Variants in NBPF11 observed in about 807,000 individuals in gnomAD.
The protein encoded by NBPF11 is NBPF family member NBPF11.
Under a neutral mutation model 93.9 loss-of-function variants are expected in NBPF11, and 72 were observed. The observed-to-expected ratio is 0.77, with a 90% CI of 0.63 to 0.93. NBPF11 has a LOEUF of 0.93. Ranked by LOEUF, NBPF11 falls within the 40% of genes least tolerant of loss-of-function variation. NBPF11 has a pLI of 0.00. For missense variants in NBPF11, 705 were observed against 802.2 expected (o/e 0.88, Z 1.46); for synonymous variants, 224 against 304.9 (o/e 0.73, Z 2.76).
chr1:148,146,654 A>C, intron 1 of NBPF11: 3 of 1,611,560 alleles, frequency 1.9e-6, no homozygotes, highest in Non-Finnish European at 2.5e-6. Context: ...GACACCATCG[A>C]GGTCTTCCCC....
intron 4 of NBPF11, among the ~76,000 whole-genome samples, chr1:148,132,356 T>G (rs1571475580): frequency 3.5e-5 from 1 of 28,954 alleles, no homozygotes; most frequent in East Asian, 2.1e-3. Flanking sequence ...ATATATTCTA[T>G]TTTTTTTTTT....
chr1:148,122,662 A>T (rs1668142903), intron 8 of NBPF11, 67 bp downstream of exon 8: 5 of 1,593,510 alleles, frequency 3.1e-6, no homozygotes, highest in Admixed American at 1.7e-5. Flanking sequence ...GATGCCAGAG[A>T]GGGCGTGCCT....
At chr1:148,145,227 T>A in intron 1 of NBPF11, among the ~76,000 whole-genome samples, 2 of 121,434 alleles carry the variant, frequency 1.6e-5, no homozygotes, top group East Asian at 2.9e-4. Context: ...TTTTTTTTGG[T>A]ACAAGACAGA....
intron 1 of NBPF11, chr1:148,146,615 C>G: frequency 6.2e-7 from 1 of 1,610,746 alleles, no homozygotes; most frequent in Non-Finnish European, 8.5e-7. Flanking sequence ...ACGGAGCGTG[C>G]CGACTTCCAG....
Position 148,116,001 on chromosome 1 carries a change from G to T in NBPF11, c.1380-3C>A. 6.8e-7 allele frequency: 1 copy of T among 1,478,598 alleles called. No homozygotes were observed. The highest frequency in any genetic ancestry group is 9.4e-7 in the Non-Finnish European group (1 of 1,068,104). The allele number at this position is 1,478,598 out of a possible 1,614,324, so 91.6% of individuals were successfully genotyped here. ...TTTCTTCAGCCTTCTGCATCTCCCT[G>T]ATGAGCCAGGTGGGACAGAGATGAC... On this transcript the variant is annotated splice_polypyrimidine_tract_variant and splice_region_variant and intron_variant, in intron 13 of 23. Coordinates refer to ENST00000682118, the MANE Select transcript of NBPF11 (RefSeq NM_001385469.3).
chr1:148,126,312 C>G (rs1669101684), intron 5 of NBPF11, among the ~76,000 whole-genome samples: 1 of 151,850 alleles, frequency 6.6e-6, no homozygotes, highest in Admixed American at 6.6e-5. Context: ...ACTCCCTGCT[C>G]TTGATGCTGT....
At chr1:148,128,121 G>T (rs1302626617) in intron 4 of NBPF11, among the ~76,000 whole-genome samples, 1 of 143,868 alleles carries the variant, frequency 7.0e-6, no homozygotes, top group Non-Finnish European at 1.5e-5. Flanking sequence ...TAACTACTGT[G>T]CATAAGTAAC....
Position 148,120,663 on chromosome 1 carries a change from C to A in NBPF11, c.826G>T (p.Ala276Ser). 6.5e-7 allele frequency: 1 copy of A among 1,536,772 alleles called. No individual in the cohort carries two copies. Among genetic ancestry groups the A allele is most frequent in the Non-Finnish European group, 9.0e-7 (1 of 1,111,608 alleles). ...GCCTTCTCGCTGGACAAAGGGCCGG[C>A]TGATACCACCATGCTGACGTTTGTG... The part of the protein sequence containing the change: ...SATNVSMVVS[A>S]GPLSSEKAEM... Residue 276 changes from alanine to serine, a missense_variant, in exon 10 of 24, where the codon GCC becomes TCC. This residue lies in a region of NBPF11 where 262 missense variants were observed against 223.1 expected (regional missense o/e 1.17). Transcript: ENST00000682118.
At chr1:148,126,600 T>C (rs1431938042) in intron 5 of NBPF11, among the ~76,000 whole-genome samples, 3 of 151,854 alleles carry the variant, frequency 2.0e-5, no homozygotes, top group Non-Finnish European at 4.4e-5. Context: ...TCTGTGCCTG[T>C]GTTAGAAATC....
At chr1:148,123,047 C>T (rs200661611) in intron 7 of NBPF11, among the ~76,000 whole-genome samples, 20,351 of 151,406 alleles carry the variant, frequency 0.13, 1,182 homozygotes, top group East Asian at 0.26. Flanking sequence ...TCCCATATCA[C>T]TGGAGGCTTG....
At chr1:148,118,805 C>A in intron 10 of NBPF11, 83 bp from the exon 11 acceptor site, 1 of 1,040,044 alleles carries the variant, frequency 9.6e-7, no homozygotes, top group Admixed American at 1.7e-5. Flanking sequence ...GAGCCAGGTC[C>A]ATCCCAAGGA....
intron 15 of NBPF11, among the ~76,000 whole-genome samples, chr1:148,113,096 C>G (rs1665689708): frequency 6.6e-6 from 1 of 151,998 alleles, no homozygotes; most frequent in Non-Finnish European, 1.5e-5. Context: ...ATCATAACGA[C>G]AGGATCAAAT....
At chr1:148,136,580 C>A (rs1458586199) in intron 3 of NBPF11, among the ~76,000 whole-genome samples, 1 of 151,722 alleles carries the variant, frequency 6.6e-6, no homozygotes, top group Non-Finnish European at 1.5e-5. Context: ...AGGCAAAGAC[C>A]CACAGGACAG....
intron 2 of NBPF11, among the ~76,000 whole-genome samples, chr1:148,141,341 C>T (rs1473269846): frequency 9.9e-5 from 15 of 152,086 alleles, no homozygotes; most frequent in East Asian, 7.7e-4. Context: ...TCAATTGTAA[C>T]GAATGGACCA....
chr1:148,151,370 C>A (rs1181038161), intron 1 of NBPF11, among the ~76,000 whole-genome samples: 2 of 151,998 alleles, frequency 1.3e-5, no homozygotes, highest in Admixed American at 1.3e-4. Context: ...GTCAGGGGCG[C>A]GAGCGCTCTT....
chr1:148,126,831 T>C lies in NBPF11; in HGVS notation c.173A>G (p.Tyr58Cys), dbSNP rs1290966256. 1.3e-6 allele frequency: 2 copies of C among 1,583,804 alleles called. No individual in the cohort carries two copies. The highest frequency in any genetic ancestry group is 4.5e-5 in the East Asian group (2 of 44,732). ...AGFLANRQKKYKYEECKDLIK... is the reference protein window; with the variant it reads ...AGFLANRQKKCKYEECKDLIK... Reference sequence around the variant, plus strand: ...GATGGTGAGCCTATAGATCTTACTGTATTTCTTCTGTCGGTTGGCCAGGAA... The same window carrying C: ...GATGGTGAGCCTATAGATCTTACTGCATTTCTTCTGTCGGTTGGCCAGGAA... The change falls in exon 5 of 24, where the codon TAC becomes TGC. Residue 58 changes from tyrosine to cysteine, a missense_variant and splice_region_variant. Coordinates refer to ENST00000682118, the MANE Select transcript of NBPF11 (RefSeq NM_001385469.3).
At position 148,106,854 on chromosome 1, in the gene NBPF11, G is replaced by A. The variant is rs1394222824; in HGVS notation, c.2251+88C>T. 6.3e-5 allele frequency: 51 copies of A among 804,324 alleles called. 5 individuals carry two copies. Among genetic ancestry groups the A allele is most frequent in the African/African-American group, 5.7e-4 (31 of 54,000 alleles). The allele number at this position is 804,324 out of a possible 1,614,324, so 49.8% of individuals were successfully genotyped here. A position where few individuals can be genotyped will look rare whatever the true frequency, so the allele number is the denominator to read the frequency against. On this transcript the variant is annotated intron_variant, in intron 20 of 23. Coordinates refer to ENST00000682118, the MANE Select transcript of NBPF11 (RefSeq NM_001385469.3). The stretch of plus-strand genomic sequence containing the variant: ...CCTGCCTGTGGCAATGAAGTCTCTC[G>A]GGTCAGTAAGGGCCACTTGGAACAG...
rs1668002430 is a variant in NBPF11, at chr1:148,122,066, T to C, written c.767A>G (p.Asn256Ser). 3 of 1,608,992 alleles carry C rather than the reference T, an allele frequency of 1.9e-6. No individual in the cohort carries two copies. The highest frequency in any genetic ancestry group is 1.3e-5 in the African/African-American group (1 of 74,584). The change falls in exon 9 of 24, where the codon AAC (asparagine) becomes AGC (serine). Residue 256 changes from asparagine (N) to serine (S), a missense_variant. Physicochemically the swap from Asn to Ser is conservative, Grantham distance 46 (BLOSUM62 1). Transcript: ENST00000682118. ...AAAATAGAGGCTACCTGGGAGAATG[T>C]TTAGAGCATCCTGACATCCATCATG... ...SSHDGCQDAL[N>S]ILPVPGPTSS... is the part of the protein sequence containing the mutation.
chr1:148,144,154 G>A (rs1299032886), intron 1 of NBPF11, among the ~76,000 whole-genome samples: 1 of 150,866 alleles, frequency 6.6e-6, no homozygotes, highest in Admixed American at 6.6e-5. Context: ...AGGGAATTAA[G>A]AGTGTGTGGG....
Sources: allele counts gnomAD v4.1 joint callset (sites outside exome capture counted in the v4.1 genomes callset), GRCh38; gene constraint gnomAD v4.1.1; regional missense constraint gnomAD v4.1.1; transcripts MANE v1.5; gene names NCBI Gene and HGNC (gene_info 2026-07-23, HGNC 2026-07-21).